CAMKV: variants seen among roughly 807,000 people sequenced by gnomAD.
CAMKV encodes CaM kinase like vesicle associated, also known as caM kinase-like vesicle-associated protein.
Under a neutral mutation model 50.2 loss-of-function variants are expected in CAMKV, and 5 were observed. That is an observed-to-expected ratio of 0.10 (90% CI 0.05 to 0.21). The LOEUF (loss-of-function observed/expected upper bound fraction) is 0.21. Among genes scored for constraint, CAMKV ranks in the 10% least tolerant of loss-of-function variants. The probability of loss-of-function intolerance (pLI) is 1.00; values close to 1 mark genes in which losing one functional copy is unlikely to be tolerated. For synonymous variants in CAMKV, 229 were observed against 250.1 expected, an observed-to-expected ratio of 0.92 and a Z score of 0.80; for missense variants, 361 against 650.5, an observed-to-expected ratio of 0.55 and a Z score of 4.84.
intron 1 of CAMKV, among the ~76,000 whole-genome samples, chr3:49,865,475 G>T (rs932366053): frequency 6.6e-6 from 1 of 152,060 alleles, no homozygotes; most frequent in Non-Finnish European, 1.5e-5. Context: ...AAAGCCTCCC[G>T]TCAGATTCCT....
Position 49,861,961 on chromosome 3 carries a change from G to T in CAMKV, c.227+84C>A. On this transcript the variant is annotated intron_variant, in intron 3 of 10. Coordinates refer to ENST00000477224, the MANE Select transcript of CAMKV (RefSeq NM_024046.5). This position sits in a 1 kb window ranked among gnomAD's most constrained non-coding sequence, Gnocchi z 7.7. ...GGCCACAGCAGACTAATTGGCCAGA[G>T]GCTGGGACTGCCTGAGGCCACTTGC... The T allele has an allele frequency of 6.2e-7, 1 of 1,608,406 alleles. No homozygotes were observed. The highest frequency in any genetic ancestry group is 1.1e-5 in the South Asian group (1 of 90,332).
At chr3:49,863,077 C>T (rs896727558) in intron 1 of CAMKV, among the ~76,000 whole-genome samples, 11 of 152,200 alleles carry the variant, frequency 7.2e-5, no homozygotes, top group Non-Finnish European at 1.3e-4. Context: ...GCAATGGAAA[C>T]AAAGGAGCTA....
At position 49,859,514 on chromosome 3, in the gene CAMKV, G is replaced by C; in HGVS notation, c.1310C>G (p.Ala437Gly). ...TPATDGRATP[A>G]TEESTVPTTQ... Reference sequence around the variant, plus strand: ...GGTGGGCACAGTGCTCTCTTCTGTGGCTGGTGTGGCTCTCCCATCAGTGGC... The same window carrying C: ...GGTGGGCACAGTGCTCTCTTCTGTGCCTGGTGTGGCTCTCCCATCAGTGGC... The change falls in exon 11 of 11, where the codon GCC becomes GGC. Residue 437 changes from alanine to glycine, a missense_variant. By Grantham distance (60) the Ala-to-Gly change is moderately conservative (BLOSUM62 0). Transcript: ENST00000477224. This position sits in a 1 kb window ranked among gnomAD's most constrained non-coding sequence, Gnocchi z 5.5. 6.2e-7 allele frequency: 1 copy of C among 1,614,118 alleles called. No individual in the cohort carries two copies. Among genetic ancestry groups the C allele is most frequent in the Non-Finnish European group, 8.5e-7 (1 of 1,179,958 alleles).
At chr3:49,863,131 G>A (rs903968349) in intron 1 of CAMKV, among the ~76,000 whole-genome samples, 1 of 152,192 alleles carries the variant, frequency 6.6e-6, no homozygotes, top group African/African-American at 2.4e-5. Context: ...AGTGTTAAGT[G>A]CAAAAAGACA....
In CAMKV at chr3:49,859,474, G is replaced by A; in HGVS notation, c.1350C>T (p.Ala450=). ...TGGCAGCTGCCTTGGTGGCCAGCAT[G>A]GCACTGCTTTGGGTGGTGGGCACAG... ...ESTVPTTQSS[A]MLATKAAATP... The change falls in exon 11 of 11, where the codon GCC becomes GCT. Residue 450 remains alanine (A), a synonymous_variant. Coordinates refer to ENST00000477224, the MANE Select transcript of CAMKV (RefSeq NM_024046.5). This position sits in a 1 kb window ranked among gnomAD's most constrained non-coding sequence, Gnocchi z 5.5. 1.2e-6 allele frequency: 2 copies of A among 1,614,178 alleles called. No homozygotes were observed. The highest frequency in any genetic ancestry group is 1.7e-6 in the Non-Finnish European group (2 of 1,180,012).
chr3:49,859,176 A>C lies in CAMKV; in HGVS notation c.*142T>G. ...CAGGAGACGAGACTGCTCTCCCGTG[A>C]CCCCTAGTTATGCCCCACTGGGATG... On this transcript the variant is annotated 3_prime_UTR_variant, in exon 11 of 11. Transcript: ENST00000477224. The surrounding 1 kb of genome is among the most constrained non-coding windows in gnomAD (Gnocchi z 5.5). 1 of 742,394 alleles carries C rather than the reference A, an allele frequency of 1.3e-6. No individual in the cohort carries two copies. Among genetic ancestry groups the C allele is most frequent in the Non-Finnish European group, 2.2e-6 (1 of 464,274 alleles). The allele number at this position is 742,394 out of a possible 1,614,324, so 46.0% of individuals were successfully genotyped here. A position where few individuals can be genotyped will look rare whatever the true frequency, so the allele number is the denominator to read the frequency against.
rs1338119669 is a variant in CAMKV at position 49,862,709 on chromosome 3, T to C, written c.-14-307A>G. Among the ~76,000 whole-genome samples, 1 of 152,228 alleles carries C rather than the reference T, an allele frequency of 6.6e-6. No individual in the cohort carries two copies. Among genetic ancestry groups the C allele is most frequent in the African/African-American group, 2.4e-5 (1 of 41,458 alleles). ...GGCTTATCAAACAGTTTATTTAAAT[T>C]TCAGCTATTTTACAGATGAAGGGGG... is the stretch of plus-strand genomic sequence containing the variant. On this transcript the variant is annotated intron_variant, in intron 1 of 10. Transcript: ENST00000477224. This position sits in a 1 kb window ranked among gnomAD's most constrained non-coding sequence, Gnocchi z 5.2.
At position 49,860,935 on chromosome 3, in the gene CAMKV, C is replaced by G. The variant is rs2108329079; in HGVS notation, c.638+8G>C. On this transcript the variant is annotated splice_region_variant and intron_variant, in intron 7 of 10. Transcript: ENST00000477224. This position sits in a 1 kb window ranked among gnomAD's most constrained non-coding sequence, Gnocchi z 6.1. ...ACTGCAAGCCTGCTTGTCCATCTGT[C>G]CACTCACAGGATGTACATGATGACT... is the stretch of plus-strand genomic sequence containing the variant. 3.1e-6 allele frequency: 5 copies of G among 1,614,036 alleles called. No individual in the cohort carries two copies. The highest frequency in any genetic ancestry group is 2.2e-5 in the East Asian group (1 of 44,880).
rs1222134345 is a variant in CAMKV at position 49,869,877 on chromosome 3, A to C, written c.-134T>G. The C allele has an allele frequency of 6.6e-6, 1 of 152,116 alleles. No individual in the cohort carries two copies. The highest frequency in any genetic ancestry group is 2.4e-5 in the African/African-American group (1 of 41,430). 9.4% of individuals were successfully genotyped at this position (152,116 alleles called of 1,614,324 possible). On this transcript the variant is annotated 5_prime_UTR_variant, in exon 1 of 11. Transcript: ENST00000477224. The surrounding 1 kb of genome is among the most constrained non-coding windows in gnomAD (Gnocchi z 5.2). ...GCGGGGCAGACGCGGCGCCAGATGC[A>C]GCCGCTTCGGCTAGCGAACCTCCAG...
Position 49,859,489 on chromosome 3 carries a change from G to C in CAMKV, c.1335C>G (p.Thr445=), listed in dbSNP as rs766525032. ...TGGCCAGCATGGCACTGCTTTGGGT[G>C]GTGGGCACAGTGCTCTCTTCTGTGG... The part of the protein sequence containing the change: ...TPATEESTVP[T]TQSSAMLATK... Residue 445 remains threonine (T), a synonymous_variant, in exon 11 of 11, where the codon ACC becomes ACG. Coordinates refer to ENST00000477224, the MANE Select transcript of CAMKV (RefSeq NM_024046.5). The surrounding 1 kb of genome is among the most constrained non-coding windows in gnomAD (Gnocchi z 5.5). The C allele has an allele frequency of 5.6e-6, 9 of 1,614,210 alleles. No homozygotes were observed. The highest frequency in any genetic ancestry group is 1.6e-4 in the Middle Eastern group (1 of 6,062).
chr3:49,862,101 C>T lies in CAMKV; in HGVS notation c.171G>A (p.Lys57=), dbSNP rs1239536648. 1 of 1,614,114 alleles carries T rather than the reference C, an allele frequency of 6.2e-7. No individual in the cohort carries two copies. Among genetic ancestry groups the T allele is most frequent in the Non-Finnish European group, 8.5e-7 (1 of 1,180,056 alleles). The change falls in exon 3 of 11, where the codon AAG becomes AAA. Residue 57 remains lysine (K), a synonymous_variant. Coordinates refer to ENST00000477224, the MANE Select transcript of CAMKV (RefSeq NM_024046.5). This position sits in a 1 kb window ranked among gnomAD's most constrained non-coding sequence, Gnocchi z 5.2. ...GKLHTCKKFQ[K]RDGRKVRKAA... is the part of the protein sequence containing the mutation. ...CTTTCCGCACCTTGCGGCCGTCCCG[C>T]TTCTGGAACTTCTTGCAGGTGTGCA...
In CAMKV at chr3:49,859,618, G is replaced by A; in HGVS notation, c.1206C>T (p.Val402=). 1 of 1,614,044 alleles carries A rather than the reference G, an allele frequency of 6.2e-7. No homozygotes were observed. Among genetic ancestry groups the A allele is most frequent in the East Asian group, 2.2e-5 (1 of 44,876 alleles). ...GSATPATDGS[V]TPATDGSITP... The stretch of plus-strand genomic sequence containing the variant: ...TGATGCTTCCATCGGTGGCTGGGGT[G>A]ACACTGCCATCAGTGGCTGGGGTGG... The change falls in exon 11 of 11, where the codon GTC becomes GTT. Residue 402 remains valine (V), a synonymous_variant. Coordinates refer to ENST00000477224, the MANE Select transcript of CAMKV (RefSeq NM_024046.5). The surrounding 1 kb of genome is among the most constrained non-coding windows in gnomAD (Gnocchi z 5.5).
rs372011329 is a variant in CAMKV, at chr3:49,859,450, G to A, written c.1374C>T (p.Ala458=). 2.2e-5 allele frequency: 35 copies of A among 1,613,684 alleles called. No individual in the cohort carries two copies. Among genetic ancestry groups the A allele is most frequent in the Non-Finnish European group, 3.0e-5 (35 of 1,179,746 alleles). The part of the protein sequence containing the change: ...SSAMLATKAA[A]TPEPAMAQPD... ...GCTGGGCCATAGCCGGCTCAGGGGTGGCAGCTGCCTTGGTGGCCAGCATGG... is the reference window on the plus strand; with the variant it reads ...GCTGGGCCATAGCCGGCTCAGGGGTAGCAGCTGCCTTGGTGGCCAGCATGG... The change falls in exon 11 of 11, where the codon GCC becomes GCT. Residue 458 remains alanine, a synonymous_variant. Transcript: ENST00000477224. This position sits in a 1 kb window ranked among gnomAD's most constrained non-coding sequence, Gnocchi z 5.5.
rs1559456243 is a variant in CAMKV at position 49,860,572 on chromosome 3, G to A, written c.776-23C>T. 7 of 1,611,826 alleles carry A rather than the reference G, an allele frequency of 4.3e-6. No homozygotes were observed. The highest frequency in any genetic ancestry group is 5.9e-6 in the Non-Finnish European group (7 of 1,178,736). Reference sequence around the variant, plus strand: ...TGGCTGTGGACAAAACCAAGAAGGGGATAGTCATGGGCACCCCATCTCAAT... The same window carrying A: ...TGGCTGTGGACAAAACCAAGAAGGGAATAGTCATGGGCACCCCATCTCAAT... On this transcript the variant is annotated intron_variant, in intron 8 of 10. Transcript: ENST00000477224. The surrounding 1 kb of genome is among the most constrained non-coding windows in gnomAD (Gnocchi z 6.1).
At chr3:49,867,281 G>C (rs1459676374) in intron 1 of CAMKV, among the ~76,000 whole-genome samples, 1 of 152,256 alleles carries the variant, frequency 6.6e-6, no homozygotes, top group Non-Finnish European at 1.5e-5. Context: ...ACCGGTCAAG[G>C]GGCTGCCCTG....
intron 1 of CAMKV, among the ~76,000 whole-genome samples, chr3:49,863,834 A>T (rs1021353304): frequency 5.9e-5 from 9 of 151,520 alleles, no homozygotes; most frequent in East Asian, 3.9e-4. Flanking sequence ...ATTTTTAAAA[A>T]TTTTTTTGTA....
chr3:49,860,458 G>T lies in CAMKV; in HGVS notation c.854+13C>A. ...ACCCTGGCCTCTCCCACCCTCCCCT[G>T]GACCCTGCTCACCACTCATGGGAGA... On this transcript the variant is annotated intron_variant, in intron 9 of 10. Coordinates refer to ENST00000477224, the MANE Select transcript of CAMKV (RefSeq NM_024046.5). This position sits in a 1 kb window ranked among gnomAD's most constrained non-coding sequence, Gnocchi z 6.1. The T allele has an allele frequency of 6.2e-7, 1 of 1,611,450 alleles. No homozygotes were observed. The highest frequency in any genetic ancestry group is 8.5e-7 in the Non-Finnish European group (1 of 1,178,400).
chr3:49,864,587 T>C (rs2082049182), intron 1 of CAMKV, among the ~76,000 whole-genome samples: 2 of 152,278 alleles, frequency 1.3e-5, no homozygotes, highest in Non-Finnish European at 2.9e-5. Flanking sequence ...GGGGGGTTAC[T>C]GACTAGACCT....
In CAMKV at chr3:49,860,485, G is replaced by A. The variant is rs918737031; in HGVS notation, c.840C>T (p.Ala280=). The A allele has an allele frequency of 6.2e-7, 1 of 1,612,752 alleles. No homozygotes were observed. The highest frequency in any genetic ancestry group is 8.5e-7 in the Non-Finnish European group (1 of 1,179,306). ...ACCCTGCTCACCACTCATGGGAGAT[G>A]GCCTCTTCTGCAGTGATCCGCTGGT... The part of the protein sequence containing the change: ...EQDQRITAEE[A]ISHEWISGNA... Residue 280 remains alanine, a synonymous_variant, in exon 9 of 11, where the codon GCC becomes GCT. Transcript: ENST00000477224. The surrounding 1 kb of genome is among the most constrained non-coding windows in gnomAD (Gnocchi z 6.1).
Sources: allele counts gnomAD v4.1 joint callset (sites outside exome capture counted in the v4.1 genomes callset), GRCh38; gene constraint gnomAD v4.1.1; non-coding constraint Gnocchi (gnomAD v3.1); transcripts MANE v1.5; gene names NCBI Gene and HGNC (gene_info 2026-07-23, HGNC 2026-07-21).